NALF1: variants seen among roughly 807,000 people sequenced by gnomAD.
NALF1 encodes the protein NALCN channel auxiliary factor 1.
Under a neutral mutation model 48.4 loss-of-function variants are expected in NALF1, and 3 were observed. The ratio of observed to expected loss-of-function variants is 0.06; its 90% CI spans 0.03 to 0.16. The LOEUF (loss-of-function observed/expected upper bound fraction) is 0.16, where lower values mean the gene tolerates loss of function less well. Among genes scored for constraint, NALF1 ranks in the 10% least tolerant of loss-of-function variants. NALF1 has a pLI of 1.00. For synonymous variants in NALF1, 262 were observed against 245.7 expected, an observed-to-expected ratio of 1.07 and a Z score of -0.62; for missense variants, 526 against 571.5, an observed-to-expected ratio of 0.92 and a Z score of 0.81.
At position 107,867,011 on chromosome 13, in the gene NALF1, C is replaced by T. The variant is rs1299994509; in HGVS notation, c.-415G>A. 6.6e-6 allele frequency among the ~76,000 whole-genome samples: 1 copy of T among 151,834 alleles called. No individual in the cohort carries two copies. The highest frequency in any genetic ancestry group is 2.4e-5 in the African/African-American group (1 of 41,358). ...AGGGTGGCTGGCGCGGCTCCGGTCACCCAGGCATTGTCAGCGCGCGGGTCC... is the reference window on the plus strand; with the variant it reads ...AGGGTGGCTGGCGCGGCTCCGGTCATCCAGGCATTGTCAGCGCGCGGGTCC... On this transcript the variant is annotated 5_prime_UTR_variant, in exon 1 of 3. The change creates a new upstream start codon in the 5' untranslated region. Coordinates refer to ENST00000375915, the MANE Select transcript of NALF1 (RefSeq NM_001080396.3). The surrounding 1 kb of genome is among the most constrained non-coding windows in gnomAD (Gnocchi z 4.4).
chr13:107,729,405 T>C (rs1189077188), intron 1 of NALF1, among the ~76,000 whole-genome samples: 1 of 151,966 alleles, frequency 6.6e-6, no homozygotes, highest in Non-Finnish European at 1.5e-5. Flanking sequence ...TGTGACACTG[T>C]AGAGTGCCAC....
chr13:107,266,505 T>G (rs1469559716), intron 1 of NALF1, among the ~76,000 whole-genome samples: 1 of 152,200 alleles, frequency 6.6e-6, no homozygotes, highest in Non-Finnish European at 1.5e-5. Context: ...CTCACTACTC[T>G]TAAGTTTCCC....
At chr13:107,851,871 C>T (rs1391836492) in intron 1 of NALF1, among the ~76,000 whole-genome samples, 1 of 130,746 alleles carries the variant, frequency 7.6e-6, no homozygotes, top group Non-Finnish European at 1.5e-5. Context: ...TGCAGCGGGA[C>T]AATCATAGCT....
chr13:107,613,159 T>C (rs1449838361), intron 1 of NALF1, among the ~76,000 whole-genome samples: 1 of 152,216 alleles, frequency 6.6e-6, no homozygotes, highest in East Asian at 1.9e-4. Context: ...TTTTGTTTCC[T>C]GCTTGTTCTA....
intron 1 of NALF1, among the ~76,000 whole-genome samples, chr13:107,336,368 G>GATA (rs760969544): frequency 3.1e-4 from 39 of 127,254 alleles, no homozygotes; most frequent in East Asian, 2.4e-3. Context: ...TGATGATGAT[G>GATA]ATAATAATAA....
intron 1 of NALF1, among the ~76,000 whole-genome samples, chr13:107,752,597 A>G (rs1479703686): frequency 6.6e-6 from 1 of 152,170 alleles, no homozygotes; most frequent in East Asian, 1.9e-4. Context: ...AAGTGAAATA[A>G]GTTGGGCACA....
chr13:107,829,481 A>AT (rs200127861), intron 1 of NALF1, among the ~76,000 whole-genome samples: 2,108 of 152,024 alleles, frequency 0.014, 34 homozygotes, highest in African/African-American at 0.031. Flanking sequence ...GGATCTCATG[A>AT]TTTTTTTTCC....
intron 1 of NALF1, among the ~76,000 whole-genome samples, chr13:107,766,645 T>G (rs1389899995): frequency 1.3e-5 from 2 of 152,190 alleles, no homozygotes; most frequent in Non-Finnish European, 2.9e-5. Context: ...AGAATTTATA[T>G]CTGTGTATGT....
intron 2 of NALF1, among the ~76,000 whole-genome samples, chr13:107,175,510 A>T (rs1376105061): frequency 1.3e-5 from 2 of 151,962 alleles, no homozygotes; most frequent in Admixed American, 1.3e-4. Flanking sequence ...CTATTCTTTG[A>T]TTCTTTTGGA....
chr13:107,379,146 C>T (rs1365259708), intron 1 of NALF1, among the ~76,000 whole-genome samples: 3 of 152,152 alleles, frequency 2.0e-5, no homozygotes, highest in African/African-American at 7.2e-5. Flanking sequence ...TTGCAAGTTA[C>T]AGATGCTTCT....
At chr13:107,656,280 G>A (rs1880572548) in intron 1 of NALF1, among the ~76,000 whole-genome samples, 1 of 151,912 alleles carries the variant, frequency 6.6e-6, no homozygotes, top group African/African-American at 2.4e-5. Flanking sequence ...CTAATATCCA[G>A]AATCTACAAA....
chr13:107,651,199 G>C (rs1294420915), intron 1 of NALF1, among the ~76,000 whole-genome samples: 4 of 152,202 alleles, frequency 2.6e-5, no homozygotes, highest in Admixed American at 2.0e-4. Flanking sequence ...ACCTTGCTGA[G>C]AGCCACATGG....
chr13:107,339,514 C>G (rs1185002150), intron 1 of NALF1, among the ~76,000 whole-genome samples: 1 of 151,756 alleles, frequency 6.6e-6, no homozygotes, highest in Admixed American at 6.5e-5. Context: ...GATAGTGATG[C>G]TGCTAGTTCG....
chr13:107,850,345 T>C (rs1390982589), intron 1 of NALF1, among the ~76,000 whole-genome samples: 1 of 152,244 alleles, frequency 6.6e-6, no homozygotes, highest in Non-Finnish European at 1.5e-5. Context: ...TTACATCACA[T>C]ACCTTCCCTG....
chr13:107,299,681 C>CTTATTTAT (rs59861743), intron 1 of NALF1, among the ~76,000 whole-genome samples: 466 of 148,330 alleles, frequency 3.1e-3, no homozygotes, highest in Middle Eastern at 7.0e-3. Context: ...AGAACTGTTC[C>CTTATTTAT]TTATTTATTT....
intron 1 of NALF1, among the ~76,000 whole-genome samples, chr13:107,315,330 A>G (rs547395154): frequency 8.5e-5 from 13 of 152,194 alleles, no homozygotes; most frequent in African/African-American, 2.9e-4. Context: ...TTACCTTCTA[A>G]TACTCATCCC....
At chr13:107,269,749 C>T (rs574496328) in intron 1 of NALF1, among the ~76,000 whole-genome samples, 14 of 151,640 alleles carry the variant, frequency 9.2e-5, no homozygotes, top group Non-Finnish European at 1.6e-4. Context: ...AGGGAGGAGA[C>T]GTGGAGAACA....
At chr13:107,505,587 G>A (rs953455820) in intron 1 of NALF1, among the ~76,000 whole-genome samples, 3 of 152,154 alleles carry the variant, frequency 2.0e-5, no homozygotes, top group South Asian at 4.1e-4. Context: ...ACTGCAATGC[G>A]TGGCCTGACA....
chr13:107,644,646 C>T (rs4110781), intron 1 of NALF1, among the ~76,000 whole-genome samples: 62,558 of 102,032 alleles, frequency 0.61, 20,522 homozygotes, highest in East Asian at 0.99. Context: ...TACATACATA[C>T]ATATATATAT....
Sources: gnomAD v4.1 joint callset for allele counts (sites outside exome capture counted in the v4.1 genomes callset) on GRCh38, gnomAD v4.1.1 for gene constraint, Gnocchi (gnomAD v3.1) non-coding constraint, MANE v1.5 for transcripts, NCBI Gene and HGNC (gene_info 2026-07-23, HGNC 2026-07-21) for gene names.